The following F10 variants were observed in gnomAD, a reference collection of about 807,000 sequenced individuals.
F10 encodes coagulation factor X, also known as Stuart-Prower factor.
In F10, 29 loss-of-function variants were observed where a neutral mutation model predicts 37.1. That is an observed-to-expected ratio of 0.78 (90% CI 0.58 to 1.07). F10 has a LOEUF of 1.07. Among genes scored for constraint, F10 ranks in the 50% least tolerant of loss-of-function variants. The pLI is 0.00. For missense variants in F10, 539 were observed against 667.9 expected (o/e 0.81, Z 2.13); for synonymous variants, 262 against 268.6 (o/e 0.98, Z 0.24).
intron 4 of F10, 75 bp from the exon 5 acceptor site, chr13:113,140,844 T>C: frequency 6.2e-7 from 1 of 1,608,200 alleles, no homozygotes; most frequent in Non-Finnish European, 8.5e-7. Context: ...CAAGTGGATG[T>C]AGCTGGCACC....
Position 113,147,423 on chromosome 13 carries a change from C to T in F10, c.792C>T (p.Thr264=), listed in dbSNP as rs5960. 0.82 allele frequency: 1,323,433 copies of T among 1,612,706 alleles called. 552,676 individuals are homozygous for T. Among genetic ancestry groups the T allele is most frequent in the Non-Finnish European group, 0.87 (1,023,301 of 1,178,984 alleles). Residue 264 remains threonine, a synonymous_variant, in exon 7 of 8, where the codon ACC becomes ACT. Coordinates refer to ENST00000375559, the MANE Select transcript of F10 (RefSeq NM_000504.4). ...AAAACGAGGGTTTCTGTGGTGGAAC[C>T]ATTCTGAGCGAGTTCTACATCCTAA... ...NEENEGFCGG[T]ILSEFYILTA...
chr13:113,137,783 C>G (rs2036492813), intron 2 of F10, among the ~76,000 whole-genome samples: 1 of 152,178 alleles, frequency 6.6e-6, no homozygotes, highest in South Asian at 2.1e-4. Flanking sequence ...CTCTGTGCCT[C>G]TGTGTGACTT....
rs917539203 is a variant in F10, at chr13:113,146,038, GC to G, written c.748-1336del. 6.6e-5 allele frequency among the ~76,000 whole-genome samples: 10 copies of G among 152,108 alleles called. No individual in the cohort carries two copies. The highest frequency in any genetic ancestry group is 2.2e-4 in the African/African-American group (9 of 41,420). ...AAGCAAGAATCTCAGAGCTGCCAGC[GC>G]CCCCATGAATTCCCCCAGGTCTTCC... On this transcript the variant is annotated intron_variant, in intron 6 of 7. Coordinates refer to ENST00000375559, the MANE Select transcript of F10 (RefSeq NM_000504.4). The surrounding 1 kb of genome is among the most constrained non-coding windows in gnomAD (Gnocchi z 4.5).
intron 1 of F10, among the ~76,000 whole-genome samples, chr13:113,126,302 C>T (rs2036369525): frequency 6.6e-6 from 1 of 152,176 alleles, no homozygotes; most frequent in Non-Finnish European, 1.5e-5. Flanking sequence ...TAGGCCGTGT[C>T]CTACCCCCAT....
intron 1 of F10, among the ~76,000 whole-genome samples, chr13:113,123,572 A>C (rs963833054): frequency 2.6e-5 from 4 of 152,176 alleles, no homozygotes; most frequent in Non-Finnish European, 5.9e-5. Flanking sequence ...GACACGAGAG[A>C]CAGGGACCCT....
intron 2 of F10, 57 bp from the exon 3 acceptor site, chr13:113,138,400 G>A: frequency 1.2e-6 from 1 of 847,916 alleles, no homozygotes; most frequent in South Asian, 1.5e-5. Flanking sequence ...GGTTGTTATT[G>A]GTATAAAATG....
intron 1 of F10, among the ~76,000 whole-genome samples, chr13:113,123,160 A>G (rs1246658955): frequency 1.3e-5 from 2 of 152,202 alleles, no homozygotes; most frequent in Admixed American, 6.5e-5. Flanking sequence ...AGACAAAAAC[A>G]CAAGGACAGA....
chr13:113,148,928 C>T lies in F10; in HGVS notation c.878C>T (p.Thr293Met), dbSNP rs752412971. ...RFKVRVGDRN[T>M]EQEEGGEAVH... ...TCGTCTGTCCCAGGGGACCGGAACA[C>T]GGAGCAGGAGGAGGGCGGTGAGGCG... The change falls in exon 8 of 8, where the codon ACG becomes ATG. Residue 293 changes from threonine to methionine, a missense_variant. Thr to Met is a moderately conservative substitution (Grantham distance 81). Coordinates refer to ENST00000375559, the MANE Select transcript of F10 (RefSeq NM_000504.4). 28 of 1,613,280 alleles carry T rather than the reference C, an allele frequency of 1.7e-5. No homozygotes were observed. Among genetic ancestry groups the T allele is most frequent in the Admixed American group, 3.3e-5 (2 of 59,998 alleles).
chr13:113,137,030 C>A (rs1252872482), intron 2 of F10, among the ~76,000 whole-genome samples: 14 of 152,076 alleles, frequency 9.2e-5, no homozygotes, highest in Non-Finnish European at 2.1e-4. Context: ...AGTGATCCAC[C>A]CGCCTCAGCC....
At chr13:113,129,421 A>G in intron 1 of F10, 31 bp from the exon 2 acceptor site, 1 of 1,529,414 alleles carries the variant, frequency 6.5e-7, no homozygotes, top group Non-Finnish European at 8.9e-7. Context: ...GGGTGACCAG[A>G]GCTTTTAACC....
At chr13:113,133,351 T>C (rs2138533266) in intron 2 of F10, among the ~76,000 whole-genome samples, 1 of 152,060 alleles carries the variant, frequency 6.6e-6, no homozygotes, top group Non-Finnish European at 1.5e-5. Context: ...ATGTTGGAAA[T>C]GGAAGAGAGG....
chr13:113,148,809 G>C (rs150087084), intron 7 of F10, 107 bp from the exon 8 acceptor site: 1 of 1,505,268 alleles, frequency 6.6e-7, no homozygotes, highest in African/African-American at 1.4e-5. Flanking sequence ...AAGTGATCAC[G>C]TGCCATTTTT....
At position 113,149,053 on chromosome 13, in the gene F10, C is replaced by T. The variant is rs774798594; in HGVS notation, c.1003C>T (p.Arg335Cys). The change falls in exon 8 of 8, where the codon CGC becomes TGC. Residue 335 changes from arginine to cysteine, a missense_variant. Physicochemically the swap from Arg to Cys is radical, Grantham distance 180 (BLOSUM62 -3). Coordinates refer to ENST00000375559, the MANE Select transcript of F10 (RefSeq NM_000504.4). The surrounding 1 kb of genome is among the most constrained non-coding windows in gnomAD (Gnocchi z 7.5). ...CCGGCTCAAGACCCCCATCACCTTC[C>T]GCATGAACGTGGCGCCTGCCTGCCT... is the stretch of plus-strand genomic sequence containing the variant. ...VLRLKTPITF[R>C]MNVAPACLPE... is the part of the protein sequence containing the mutation. 9.9e-6 allele frequency: 16 copies of T among 1,613,326 alleles called. No individual in the cohort carries two copies. Among genetic ancestry groups the T allele is most frequent in the South Asian group, 6.6e-5 (6 of 91,076 alleles).
intron 1 of F10, among the ~76,000 whole-genome samples, chr13:113,125,798 G>A (rs2036364959): frequency 6.6e-6 from 1 of 152,248 alleles, no homozygotes; most frequent in Admixed American, 6.5e-5. Flanking sequence ...GCTAGGCACG[G>A]GCATACAGCT....
At chr13:113,135,882 A>C (rs2036474404) in intron 2 of F10, among the ~76,000 whole-genome samples, 1 of 152,258 alleles carries the variant, frequency 6.6e-6, no homozygotes. Context: ...AAAAGAAAAA[A>C]GTCATAAATT....
intron 2 of F10, chr13:113,131,688 T>C (rs1236663572): frequency 3.3e-5 from 5 of 152,260 alleles, no homozygotes; most frequent in Non-Finnish European, 7.3e-5. Context: ...TTATCTGTTA[T>C]CACCTGCAGA....
rs1288424767 is a variant in F10 at position 113,124,967 on chromosome 13, A to G, written c.70+2042A>G. On this transcript the variant is annotated intron_variant, in intron 1 of 7. Transcript: ENST00000375559. ...CTCCCATCGCTGCCTCCATCATCGCATGGGGTTCTCACCATGGCTGTTTTT... is the reference window on the plus strand; with the variant it reads ...CTCCCATCGCTGCCTCCATCATCGCGTGGGGTTCTCACCATGGCTGTTTTT... Among the ~76,000 whole-genome samples the G allele has an allele frequency of 2.0e-5, 3 of 152,270 alleles. No homozygotes were observed. The East Asian group carries it at 5.8e-4, about 29-fold the overall frequency.
rs973605706 is a variant in F10 at position 113,146,265 on chromosome 13, G to A, written c.748-1114G>A. ...ATACACAGAAATCTCAACCTAGTTA[G>A]GGAGCTGAGACCGAAATCCTCCCAG... is the stretch of plus-strand genomic sequence containing the variant. On this transcript the variant is annotated intron_variant, in intron 6 of 7. Coordinates refer to ENST00000375559, the MANE Select transcript of F10 (RefSeq NM_000504.4). This position sits in a 1 kb window ranked among gnomAD's most constrained non-coding sequence, Gnocchi z 4.5. Among the ~76,000 whole-genome samples the A allele has an allele frequency of 1.3e-5, 2 of 152,214 alleles. No homozygotes were observed. Among genetic ancestry groups the A allele is most frequent in the Non-Finnish European group, 2.9e-5 (2 of 68,034 alleles).
chr13:113,129,688 C>A (rs1004528984), intron 2 of F10, 76 bp downstream of exon 2: 543 of 1,590,940 alleles, frequency 3.4e-4, no homozygotes, highest in Non-Finnish European at 4.3e-4. Context: ...CTGCTCCGTC[C>A]ATCCAGGGGG....
Sources: allele counts gnomAD v4.1 joint callset (sites outside exome capture counted in the v4.1 genomes callset), GRCh38; gene constraint gnomAD v4.1.1; non-coding constraint Gnocchi (gnomAD v3.1); transcripts MANE v1.5; gene names NCBI Gene and HGNC (gene_info 2026-07-23, HGNC 2026-07-21).